Variants in ZNF547 observed in about 807,000 individuals in gnomAD.
ZNF547 encodes zinc finger protein 547.
A neutral mutation model predicts 7.7 loss-of-function variants in ZNF547; 4 were observed. The ratio of observed to expected loss-of-function variants is 0.52; its 90% CI spans 0.26 to 1.20. The LOEUF (loss-of-function observed/expected upper bound fraction) is 1.20. Among genes scored for constraint, ZNF547 ranks in the 50% most tolerant of loss-of-function variants. The probability of loss-of-function intolerance (pLI) is 0.14; values close to 1 mark genes in which losing one functional copy is unlikely to be tolerated. For missense variants in ZNF547, 449 were observed against 485.8 expected, an observed-to-expected ratio of 0.92 and a Z score of 0.71; for synonymous variants, 166 against 166.2, an observed-to-expected ratio of 1.00 and a Z score of 0.01.
intron 1 of ZNF547, chr19:57,365,296 T>TGTACACATTCCTGA: frequency 7.5e-7 from 1 of 1,328,888 alleles, no homozygotes; most frequent in Non-Finnish European, 1.1e-6. Flanking sequence ...ACCACAATGG[T>TGTACACATTCCTGA]GTATACTCAG....
chr19:57,367,470 G>A (rs959390564), intron 1 of ZNF547, among the ~76,000 whole-genome samples: 23 of 151,502 alleles, frequency 1.5e-4, no homozygotes, highest in African/African-American at 4.4e-4. Context: ...AGATTGGACC[G>A]GGTCCTGAGG....
chr19:57,369,275 T>A (rs919546417), intron 2 of ZNF547, among the ~76,000 whole-genome samples: 2 of 151,364 alleles, frequency 1.3e-5, no homozygotes, highest in Non-Finnish European at 2.9e-5. Context: ...ATGTAGAGAG[T>A]GAGGCAGCTG....
intron 2 of ZNF547, among the ~76,000 whole-genome samples, chr19:57,370,528 G>C (rs1468947677): frequency 1.3e-5 from 2 of 152,216 alleles, no homozygotes; most frequent in Non-Finnish European, 2.9e-5. Flanking sequence ...CTGTGGAATT[G>C]ACTGGAGTGG....
At chr19:57,369,899 C>CTCTTTTTT (rs2088493645) in intron 2 of ZNF547, among the ~76,000 whole-genome samples, 1 of 51,678 alleles carries the variant, frequency 1.9e-5, no homozygotes, top group African/African-American at 7.8e-5. Flanking sequence ...ACTCACAGTT[C>CTCTTTTTT]TTTTTTTTTT....
At chr19:57,370,558 G>A in intron 2 of ZNF547, among the ~76,000 whole-genome samples, 1 of 152,184 alleles carries the variant, frequency 6.6e-6, no homozygotes, top group Admixed American at 6.5e-5. Flanking sequence ...AGATGGGATT[G>A]GAGTGCTGTC....
chr19:57,377,878 G>A lies in ZNF547; in HGVS notation c.902G>A (p.Cys301Tyr). ...TGKRSYGCSECGKFFMERSTL... is the reference protein window; with the variant it reads ...TGKRSYGCSEYGKFFMERSTL... ...AAAAGGTCTTATGGTTGCAGTGAATGTGGGAAATTCTTTATGGAAAGGTCT... is the reference window on the plus strand; with the variant it reads ...AAAAGGTCTTATGGTTGCAGTGAATATGGGAAATTCTTTATGGAAAGGTCT... Residue 301 changes from cysteine (C) to tyrosine (Y), a missense_variant, in exon 4 of 4, where the codon TGT becomes TAT. Transcript: ENST00000282282. The A allele has an allele frequency of 6.2e-7, 1 of 1,613,990 alleles. No individual in the cohort carries two copies. The highest frequency in any genetic ancestry group is 1.7e-5 in the Admixed American group (1 of 60,004).
chr19:57,373,598 A>G (rs2088519335), intron 3 of ZNF547, among the ~76,000 whole-genome samples: 1 of 152,202 alleles, frequency 6.6e-6, no homozygotes, highest in South Asian at 2.1e-4. Flanking sequence ...CTGTAAAATC[A>G]AAAGCAAGTT....
rs115130720 is a variant in ZNF547, at chr19:57,372,832, C to G, written c.151+924C>G. 5.6e-3 allele frequency among the ~76,000 whole-genome samples: 856 copies of G among 152,374 alleles called. 8 individuals carry two copies. The highest frequency in any genetic ancestry group is 0.019 in the African/African-American group (809 of 41,590). The stretch of plus-strand genomic sequence containing the variant: ...CATCTCCTCTGTCACAATCAGATCT[C>G]TCTGGGTTTAGACACAGCCTTCTAC... On this transcript the variant is annotated intron_variant, in intron 3 of 3. Coordinates refer to ENST00000282282, the MANE Select transcript of ZNF547 (RefSeq NM_173631.4).
At chr19:57,376,034 G>A (rs1349332181) in intron 3 of ZNF547, among the ~76,000 whole-genome samples, 7 of 151,952 alleles carry the variant, frequency 4.6e-5, no homozygotes, top group East Asian at 3.9e-4. Flanking sequence ...GTGGTGGCAC[G>A]TGCCTGTAAT....
chr19:57,364,901 T>A (rs1217725630), intron 1 of ZNF547: 1 of 1,612,492 alleles, frequency 6.2e-7, no homozygotes, highest in Non-Finnish European at 8.5e-7. Context: ...ATGGAGTTTT[T>A]GCCAGCTGGG....
At position 57,377,801 on chromosome 19, in the gene ZNF547, G is replaced by T; in HGVS notation, c.825G>T (p.Lys275Asn). Residue 275 changes from lysine (K) to asparagine (N), a missense_variant, in exon 4 of 4, where the codon AAG (lysine) becomes AAT (asparagine). Transcript: ENST00000282282. ...KRPYGCSECG[K>N]FFKCNSNLFR... is the part of the protein sequence containing the mutation. The stretch of plus-strand genomic sequence containing the variant: ...CTTATGGTTGCAGTGAATGTGGGAA[G>T]TTCTTTAAGTGCAACTCAAACCTCT... The T allele has an allele frequency of 6.2e-7, 1 of 1,613,900 alleles. No homozygotes were observed. The highest frequency in any genetic ancestry group is 8.5e-7 in the Non-Finnish European group (1 of 1,179,994).
At chr19:57,369,899 C>CTTTTGTTTTTTTTTTTT (rs2088493739) in intron 2 of ZNF547, among the ~76,000 whole-genome samples, 2 of 51,672 alleles carry the variant, frequency 3.9e-5, no homozygotes, top group East Asian at 6.8e-4. Flanking sequence ...ACTCACAGTT[C>CTTTTGTTTTTTTTTTTT]TTTTTTTTTT....
At position 57,378,879 on chromosome 19, in the gene ZNF547, A is replaced by G. The variant is rs1253192679; in HGVS notation, c.*694A>G. On this transcript the variant is annotated 3_prime_UTR_variant, in exon 4 of 4. Transcript: ENST00000282282. ...CCACATTCTTCAGTCCCTGGCGACC[A>G]CCATATTTTTAAGTCATTATGACTC... 3.4e-6 allele frequency: 1 copy of G among 297,374 alleles called. No homozygotes were observed. The highest frequency in any genetic ancestry group is 6.7e-6 in the Non-Finnish European group (1 of 150,226). The allele number at this position is 297,374 out of a possible 1,614,324, so 18.4% of individuals were successfully genotyped here.
In ZNF547 at chr19:57,364,962, T is replaced by C. The variant is rs776178365; in HGVS notation, c.-13+1259T>C. The C allele has an allele frequency of 8.1e-6, 13 of 1,613,150 alleles. No homozygotes were observed. The South Asian group carries it at 1.3e-4, about 16-fold the overall frequency. ...GTCATCTGAACCAGTTCATAGCTCATGCTGCTCTCGACCTCGTAGATGAGA... is the reference window on the plus strand; with the variant it reads ...GTCATCTGAACCAGTTCATAGCTCACGCTGCTCTCGACCTCGTAGATGAGA... On this transcript the variant is annotated intron_variant, in intron 1 of 3. Transcript: ENST00000282282.
intron 3 of ZNF547, 105 bp from the exon 4 acceptor site, chr19:57,377,023 C>T: frequency 8.3e-7 from 1 of 1,201,542 alleles, no homozygotes; most frequent in South Asian, 1.5e-5. Context: ...TGCCTGTCAC[C>T]AATTCCATGA....
chr19:57,371,979 G>A, intron 3 of ZNF547, 71 bp downstream of exon 3: 1 of 1,490,944 alleles, frequency 6.7e-7, no homozygotes, highest in Non-Finnish European at 8.9e-7. Flanking sequence ...AGGCAGCTCT[G>A]CGTTTCCCAC....
intron 1 of ZNF547, chr19:57,365,013 C>T (rs945296192): frequency 2.5e-6 from 4 of 1,612,586 alleles, no homozygotes; most frequent in South Asian, 1.1e-5. Context: ...ACAACATGTA[C>T]TTGAAAACTG....
At chr19:57,373,605 A>G (rs1048408381) in intron 3 of ZNF547, among the ~76,000 whole-genome samples, 5 of 152,190 alleles carry the variant, frequency 3.3e-5, no homozygotes, top group African/African-American at 1.2e-4. Flanking sequence ...ATCAAAAGCA[A>G]GTTAGTTACT....
chr19:57,375,367 TTGGCCAGGCTTGG>T (rs1280345534), intron 3 of ZNF547, among the ~76,000 whole-genome samples: 1 of 149,454 alleles, frequency 6.7e-6, no homozygotes, highest in Non-Finnish European at 1.5e-5. Flanking sequence ...TACGCGATAC[TTGGCCAGGCTTGG>T]TGGCCCACTC....
Sources: allele counts gnomAD v4.1 joint callset (sites outside exome capture counted in the v4.1 genomes callset), GRCh38; gene constraint gnomAD v4.1.1; transcripts MANE v1.5; gene names NCBI Gene and HGNC (gene_info 2026-07-23, HGNC 2026-07-21).